Variants in CREB3L2 observed in about 807,000 individuals in gnomAD.
CREB3L2 encodes the protein cAMP responsive element binding protein 3 like 2, also known as cyclic AMP-responsive element-binding protein 3-like protein 2.
A neutral mutation model predicts 57.2 loss-of-function variants in CREB3L2; 23 were observed. The ratio of observed to expected loss-of-function variants is 0.40; its 90% confidence interval spans 0.29 to 0.57. The LOEUF (loss-of-function observed/expected upper bound fraction) is 0.57, where lower values mean the gene tolerates loss of function less well. CREB3L2 is among the 20% of genes least tolerant of loss of function. The pLI is 0.42. For synonymous variants in CREB3L2, 268 were observed against 265.1 expected, an observed-to-expected ratio of 1.01 and a Z score of -0.11; for missense variants, 628 against 634.7, an observed-to-expected ratio of 0.99 and a Z score of 0.11.
intron 2 of CREB3L2, chr7:137,922,485 T>C (rs10259391): frequency 5.3e-4 from 94 of 178,050 alleles, no homozygotes; most frequent in Admixed American, 7.6e-4. Flanking sequence ...CATATATATA[T>C]ACACACACAC....
chr7:137,930,150 G>T (rs10254813), intron 1 of CREB3L2, among the ~76,000 whole-genome samples: 3,810 of 152,054 alleles, frequency 0.025, 134 homozygotes, highest in African/African-American at 0.078. Context: ...GCCCGTCTTG[G>T]CCTCCCAAAG....
intron 1 of CREB3L2, chr7:137,953,366 G>A: frequency 2.8e-6 from 2 of 723,516 alleles, no homozygotes; most frequent in Non-Finnish European, 4.2e-6. Context: ...CCAAATTACT[G>A]CCAGAGCCTT....
intron 1 of CREB3L2, among the ~76,000 whole-genome samples, chr7:137,991,174 TC>T (rs1801888042): frequency 6.6e-6 from 1 of 151,878 alleles, no homozygotes; most frequent in Non-Finnish European, 1.5e-5. Context: ...TTTTTTTTTT[TC>T]TTTTTGGGGA....
chr7:137,925,138 G>T (rs1336923690), intron 2 of CREB3L2, among the ~76,000 whole-genome samples: 1 of 152,034 alleles, frequency 6.6e-6, no homozygotes, highest in East Asian at 1.9e-4. Flanking sequence ...AAAGTTAGGA[G>T]GAAAAGGGCA....
intron 6 of CREB3L2, among the ~76,000 whole-genome samples, chr7:137,904,849 A>AAGAAAG (rs1554495639): frequency 6.8e-6 from 1 of 147,624 alleles, no homozygotes; most frequent in African/African-American, 2.6e-5. Context: ...AAAAAAAAAA[A>AAGAAAG]AAAGAAAGAA....
rs555810728 is a variant in CREB3L2, at chr7:137,988,170, G to C, written c.102+13434C>G. ...TGAAGGGCTTCCTCCTCCCACACCT[G>C]TTCCTCATGTCCCTGACAGGCCTGA... On this transcript the variant is annotated intron_variant, in intron 1 of 11. Coordinates refer to ENST00000330387, the MANE Select transcript of CREB3L2 (RefSeq NM_194071.4). Among the ~76,000 whole-genome samples, 4 of 152,318 alleles carry C rather than the reference G, an allele frequency of 2.6e-5. No homozygotes were observed. In the South Asian group the frequency reaches 6.2e-4, roughly 24 times the overall value.
intron 1 of CREB3L2, among the ~76,000 whole-genome samples, chr7:137,961,860 C>T (rs1801329005): frequency 6.6e-6 from 1 of 152,178 alleles, no homozygotes; most frequent in African/African-American, 2.4e-5. Flanking sequence ...GATCTCATGA[C>T]CCATGCCCTC....
chr7:137,926,835 T>C (rs1451785104), intron 2 of CREB3L2, among the ~76,000 whole-genome samples: 1 of 152,130 alleles, frequency 6.6e-6, no homozygotes, highest in African/African-American at 2.4e-5. Context: ...GCTATCCCTC[T>C]AGGAAAACAA....
At chr7:137,988,144 C>A (rs1193012874) in intron 1 of CREB3L2, among the ~76,000 whole-genome samples, 2 of 152,246 alleles carry the variant, frequency 1.3e-5, no homozygotes, top group African/African-American at 4.8e-5. Flanking sequence ...TCAGGCCCAG[C>A]TGAAGGGCTT....
chr7:137,991,863 A>C (rs1356600624), intron 1 of CREB3L2, among the ~76,000 whole-genome samples: 2 of 151,492 alleles, frequency 1.3e-5, no homozygotes, highest in African/African-American at 4.9e-5. Context: ...AGCCAAGATC[A>C]CGCCATTGCA....
At chr7:137,884,965 C>T (rs752893973) in intron 10 of CREB3L2, 30 bp downstream of exon 10, 2 of 1,613,982 alleles carry the variant, frequency 1.2e-6, no homozygotes, top group South Asian at 2.2e-5. Flanking sequence ...TAAAACAAGA[C>T]CCTGCCCAAC....
At chr7:137,989,864 C>T (rs1801857497) in intron 1 of CREB3L2, among the ~76,000 whole-genome samples, 1 of 152,188 alleles carries the variant, frequency 6.6e-6, no homozygotes, top group Non-Finnish European at 1.5e-5. Flanking sequence ...CCATAGCCCT[C>T]ATGCCCTGTA....
intron 7 of CREB3L2, among the ~76,000 whole-genome samples, chr7:137,903,111 C>T (rs114316627): frequency 0.013 from 1,972 of 152,282 alleles, 42 homozygotes; most frequent in African/African-American, 0.046. Context: ...TCACACCCAG[C>T]CTATTGAAGT....
chr7:137,969,162 T>C (rs1801457185), intron 1 of CREB3L2, among the ~76,000 whole-genome samples: 9 of 152,132 alleles, frequency 5.9e-5, no homozygotes, highest in Admixed American at 5.9e-4. Flanking sequence ...GAGAAGAGAA[T>C]GTGCATGATG....
chr7:137,933,469 C>T (rs139628662), intron 1 of CREB3L2, among the ~76,000 whole-genome samples: 8 of 152,326 alleles, frequency 5.3e-5, no homozygotes, highest in Non-Finnish European at 1.2e-4. Flanking sequence ...ATGAACATCC[C>T]CTGGATAACC....
At chr7:137,901,843 C>T (rs1799764624) in intron 7 of CREB3L2, among the ~76,000 whole-genome samples, 1 of 132,468 alleles carries the variant, frequency 7.5e-6, no homozygotes, top group African/African-American at 2.9e-5. Flanking sequence ...CGCCACTGCA[C>T]CCCAGCCTTG....
intron 5 of CREB3L2, among the ~76,000 whole-genome samples, chr7:137,908,014 A>C (rs1412313292): frequency 2.0e-5 from 3 of 152,268 alleles, no homozygotes; most frequent in Non-Finnish European, 4.4e-5. Flanking sequence ...CATATGAATA[A>C]AAACTGGAAG....
chr7:137,924,254 G>A (rs1309173321), intron 2 of CREB3L2, among the ~76,000 whole-genome samples: 1 of 152,188 alleles, frequency 6.6e-6, no homozygotes, highest in African/African-American at 2.4e-5. Context: ...GGTAGTATTA[G>A]ACCACTTCTG....
chr7:137,941,451 C>T (rs564608628), intron 1 of CREB3L2, among the ~76,000 whole-genome samples: 32 of 152,270 alleles, frequency 2.1e-4, no homozygotes, highest in African/African-American at 7.2e-4. Context: ...ATTGGCTGTC[C>T]GCTCCTGCAT....
Sources: gnomAD v4.1 joint callset for allele counts (sites outside exome capture counted in the v4.1 genomes callset) on GRCh38, gnomAD v4.1.1 for gene constraint, MANE v1.5 for transcripts, NCBI Gene and HGNC (gene_info 2026-07-23, HGNC 2026-07-21) for gene names.